OSBPL10: variants seen among roughly 807,000 people sequenced by gnomAD.
The protein encoded by OSBPL10 is oxysterol binding protein like 10, also known as oxysterol-binding protein-related protein 10.
OSBPL10 carries 49 observed loss-of-function variants against 81.7 expected under a neutral mutation model. The ratio of observed to expected loss-of-function variants is 0.60; its 90% CI spans 0.48 to 0.76. OSBPL10 has a LOEUF of 0.76. Ranked by LOEUF, OSBPL10 falls within the 30% of genes least tolerant of loss-of-function variation. The probability of loss-of-function intolerance (pLI) is 0.00; values close to 1 mark genes in which losing one functional copy is unlikely to be tolerated. For missense variants in OSBPL10, 923 were observed against 987.8 expected (o/e 0.93, Z 0.88); for synonymous variants, 419 against 383.6 (o/e 1.09, Z -1.08).
chr3:31,818,628 G>C (rs959359723), intron 4 of OSBPL10, among the ~76,000 whole-genome samples: 1 of 152,066 alleles, frequency 6.6e-6, no homozygotes, highest in Admixed American at 6.6e-5. Context: ...TCCACTAACC[G>C]CTTCTCCAGC....
At chr3:31,762,192 G>T (rs181752468) in intron 4 of OSBPL10, among the ~76,000 whole-genome samples, 1 of 152,214 alleles carries the variant, frequency 6.6e-6, no homozygotes, top group East Asian at 1.9e-4. Context: ...TAAAGCTCAA[G>T]GTCTGGTTTT....
intron 1 of OSBPL10, among the ~76,000 whole-genome samples, chr3:31,889,436 G>A (rs1316993138): frequency 1.3e-5 from 2 of 151,990 alleles, no homozygotes; most frequent in African/African-American, 4.8e-5. Flanking sequence ...AAGAAAATGT[G>A]GTCTATATAC....
intron 4 of OSBPL10, among the ~76,000 whole-genome samples, chr3:31,784,723 C>T (rs544548267): frequency 1.9e-4 from 29 of 151,944 alleles, no homozygotes; most frequent in Admixed American, 1.2e-3. Context: ...ACCGGGATTA[C>T]AGGCATGCAC....
At chr3:31,794,596 G>T in intron 4 of OSBPL10, 1 of 355,920 alleles carries the variant, frequency 2.8e-6, no homozygotes. Flanking sequence ...GTACTGTGAC[G>T]TGATGCTGAA....
intron 6 of OSBPL10, among the ~76,000 whole-genome samples, chr3:31,732,289 A>T (rs887328526): frequency 6.7e-6 from 1 of 148,840 alleles, no homozygotes; most frequent in Admixed American, 6.6e-5. Flanking sequence ...ATCTGACTTT[A>T]TAAGAGTTAT....
At chr3:31,967,642 T>G (rs879653854) in intron 1 of OSBPL10, among the ~76,000 whole-genome samples, 2 of 151,966 alleles carry the variant, frequency 1.3e-5, no homozygotes, top group Admixed American at 1.3e-4. Context: ...AGGGAAAGGA[T>G]AAAAACAGTG....
intron 6 of OSBPL10, chr3:31,711,006 G>C (rs975189917): frequency 2.0e-5 from 3 of 152,206 alleles, no homozygotes; most frequent in African/African-American, 7.2e-5. Flanking sequence ...CATTCAACAG[G>C]CTGGTGTTCT....
intron 5 of OSBPL10, among the ~76,000 whole-genome samples, chr3:31,735,687 C>T (rs1437761959): frequency 2.6e-5 from 4 of 151,852 alleles, no homozygotes; most frequent in African/African-American, 7.3e-5. Context: ...CCTTCTACAT[C>T]GGGGAGGAAG....
intron 1 of OSBPL10, among the ~76,000 whole-genome samples, chr3:31,895,996 C>T (rs996214804): frequency 6.6e-6 from 1 of 152,174 alleles, no homozygotes; most frequent in African/African-American, 2.4e-5. Flanking sequence ...TCAATGCACA[C>T]ACCTATACAC....
At chr3:31,664,254 GAAAC>G (rs1333171023) in intron 10 of OSBPL10, 22 bp from the exon 11 acceptor site, 2 of 1,609,728 alleles carry the variant, frequency 1.2e-6, no homozygotes, top group Non-Finnish European at 8.5e-7. Flanking sequence ...TGGAGGAGAG[GAAAC>G]AATCAGCCAG....
At chr3:31,927,207 A>C (rs1697100776) in intron 1 of OSBPL10, among the ~76,000 whole-genome samples, 2 of 151,840 alleles carry the variant, frequency 1.3e-5, no homozygotes. Flanking sequence ...GAAATAAATT[A>C]AAACTATTCA....
intron 2 of OSBPL10, among the ~76,000 whole-genome samples, chr3:32,022,824 A>G (rs1232115111): frequency 4.6e-5 from 7 of 152,136 alleles, no homozygotes; most frequent in Non-Finnish European, 1.0e-4. Flanking sequence ...AGCTTTGTCT[A>G]AAAATTTGGG....
intron 1 of OSBPL10, among the ~76,000 whole-genome samples, chr3:32,047,898 C>T (rs774546365): frequency 6.6e-6 from 1 of 152,094 alleles, no homozygotes; most frequent in Non-Finnish European, 1.5e-5. Flanking sequence ...ATCTCCTGAC[C>T]TTGTGATCCA....
At chr3:31,680,696 C>T (rs1280201238) in intron 8 of OSBPL10, among the ~76,000 whole-genome samples, 1 of 152,158 alleles carries the variant, frequency 6.6e-6, no homozygotes, top group Non-Finnish European at 1.5e-5. Context: ...CTTGGAAGAA[C>T]ACCAACCTTG....
chr3:31,967,716 C>T (rs956692540), intron 1 of OSBPL10, among the ~76,000 whole-genome samples: 1 of 152,160 alleles, frequency 6.6e-6, no homozygotes, highest in African/African-American at 2.4e-5. Context: ...TGCAAATATG[C>T]TGGCTTTACC....
intron 2 of OSBPL10, among the ~76,000 whole-genome samples, chr3:31,992,369 T>A (rs1271393429): frequency 6.6e-6 from 1 of 152,202 alleles, no homozygotes; most frequent in East Asian, 1.9e-4. Flanking sequence ...CAATACAACT[T>A]GATTATTTTA....
intron 4 of OSBPL10, among the ~76,000 whole-genome samples, chr3:31,774,182 AAGAC>A (rs202127083): frequency 0.017 from 2,476 of 149,300 alleles, 71 homozygotes; most frequent in African/African-American, 0.058. Context: ...AAAAAAAAGA[AAGAC>A]AGACTGAAAA....
chr3:31,762,158 C>A (rs375347066), intron 4 of OSBPL10, among the ~76,000 whole-genome samples: 2 of 152,306 alleles, frequency 1.3e-5, no homozygotes, highest in East Asian at 3.9e-4. Flanking sequence ...CTAGAAGCCT[C>A]TTCCCACCTT....
rs560244231 is a variant in OSBPL10, at chr3:31,791,973, C to T, written c.729+38067G>A. The stretch of plus-strand genomic sequence containing the variant: ...GAAACGAGCAAGACAAAGCTGGATG[C>T]GGTGGTTCACACCTGTAGTCCCAAC... On this transcript the variant is annotated intron_variant, in intron 4 of 11. Transcript: ENST00000396556. 2.7e-3 allele frequency among the ~76,000 whole-genome samples: 404 copies of T among 152,108 alleles called. 7 individuals are homozygous for T. The highest frequency in any genetic ancestry group is 9.4e-3 in the African/African-American group (390 of 41,486).
Sources: allele counts gnomAD v4.1 joint callset (sites outside exome capture counted in the v4.1 genomes callset), GRCh38; gene constraint gnomAD v4.1.1; transcripts MANE v1.5; gene names NCBI Gene and HGNC (gene_info 2026-07-23, HGNC 2026-07-21).